Variants in TOX observed in about 807,000 individuals in gnomAD.
The protein encoded by TOX is thymocyte selection-associated high mobility group box protein TOX.
Under a neutral mutation model 53.7 loss-of-function variants are expected in TOX, and 11 were observed. The ratio of observed to expected loss-of-function variants is 0.20; its 90% CI spans 0.13 to 0.34. The LOEUF (loss-of-function observed/expected upper bound fraction) is 0.34, where lower values mean the gene tolerates loss of function less well. Among genes scored for constraint, TOX ranks in the 10% least tolerant of loss-of-function variants. The pLI is 1.00. For missense variants in TOX, 570 were observed against 664.6 expected (o/e 0.86, Z 1.56); for synonymous variants, 225 against 245.3 (o/e 0.92, Z 0.77).
intron 1 of TOX, among the ~76,000 whole-genome samples, chr8:58,965,755 G>A (rs983418700): frequency 6.6e-6 from 1 of 151,988 alleles, no homozygotes; most frequent in African/African-American, 2.4e-5. Flanking sequence ...GGCTAAAAAT[G>A]GAAATGTTTA....
chr8:59,055,073 T>C (rs1294586512), intron 1 of TOX, among the ~76,000 whole-genome samples: 1 of 152,150 alleles, frequency 6.6e-6, no homozygotes, highest in African/African-American at 2.4e-5. Flanking sequence ...GCTTACAGTT[T>C]TCCAAGGACT....
intron 3 of TOX, among the ~76,000 whole-genome samples, chr8:58,894,760 G>C (rs748886630): frequency 7.2e-5 from 11 of 152,142 alleles, no homozygotes; most frequent in Non-Finnish European, 1.3e-4. Context: ...GCCAGGCCTG[G>C]TGGCTGGCGC....
chr8:59,070,178 TCTCTCACATTTTTG>T (rs1804168266), intron 1 of TOX, among the ~76,000 whole-genome samples: 1 of 152,162 alleles, frequency 6.6e-6, no homozygotes, highest in African/African-American at 2.4e-5. Flanking sequence ...AGTGAATAAT[TCTCTCACATTTTTG>T]CTCTCTTCTG....
intron 1 of TOX, among the ~76,000 whole-genome samples, chr8:58,966,501 T>C (rs1812903021): frequency 6.6e-6 from 1 of 152,072 alleles, no homozygotes; most frequent in South Asian, 2.1e-4. Flanking sequence ...AGAGGAAGAA[T>C]GGCCTGGGTA....
chr8:58,898,643 G>A (rs1811687636), intron 3 of TOX, among the ~76,000 whole-genome samples: 1 of 152,106 alleles, frequency 6.6e-6, no homozygotes, highest in Admixed American at 6.6e-5. Flanking sequence ...GAGTATTTGT[G>A]CTCACACTTT....
chr8:58,815,792 T>C (rs1267391866), intron 6 of TOX, 68 bp from the exon 7 acceptor site: 2 of 1,507,700 alleles, frequency 1.3e-6, no homozygotes, highest in Non-Finnish European at 1.8e-6. Context: ...GTATGACGCT[T>C]TGTGAGTTTA....
intron 1 of TOX, among the ~76,000 whole-genome samples, chr8:59,002,166 G>T (rs1483084229): frequency 6.6e-6 from 1 of 150,406 alleles, no homozygotes; most frequent in Non-Finnish European, 1.5e-5. Context: ...TAGAGACGGG[G>T]TTTCACCATG....
chr8:59,091,090 C>T (rs1804599886), intron 1 of TOX, among the ~76,000 whole-genome samples: 1 of 152,140 alleles, frequency 6.6e-6, no homozygotes, highest in Admixed American at 6.5e-5. Context: ...CTGTCTCCCT[C>T]AACTATTGCT....
intron 1 of TOX, among the ~76,000 whole-genome samples, chr8:59,068,264 C>T (rs1488706336): frequency 6.6e-6 from 1 of 151,650 alleles, no homozygotes; most frequent in Non-Finnish European, 1.5e-5. Flanking sequence ...TAATATTTTC[C>T]CCAGTGTCTA....
chr8:59,067,571 A>C (rs374186425), intron 1 of TOX, among the ~76,000 whole-genome samples: 52 of 152,156 alleles, frequency 3.4e-4, no homozygotes, highest in Non-Finnish European at 6.8e-4. Flanking sequence ...TAAATAAATA[A>C]AATAAATAAA....
At chr8:58,840,036 C>G (rs192309073) in intron 4 of TOX, among the ~76,000 whole-genome samples, 1 of 152,144 alleles carries the variant, frequency 6.6e-6, no homozygotes, top group East Asian at 1.9e-4. Context: ...AAAGCGTATT[C>G]AAATATCAAT....
chr8:59,104,374 A>T (rs1804858824), intron 1 of TOX, among the ~76,000 whole-genome samples: 1 of 151,380 alleles, frequency 6.6e-6, no homozygotes, highest in South Asian at 2.1e-4. Context: ...CTCCCAGTAG[A>T]CTCCCCCTCG....
chr8:58,869,843 A>G (rs1811168259), intron 3 of TOX, among the ~76,000 whole-genome samples: 2 of 152,126 alleles, frequency 1.3e-5, no homozygotes, highest in African/African-American at 4.8e-5. Context: ...ATATCTATAG[A>G]TGCAGTAAAA....
At chr8:58,922,966 C>T (rs142616922) in intron 3 of TOX, among the ~76,000 whole-genome samples, 14 of 152,074 alleles carry the variant, frequency 9.2e-5, no homozygotes, top group East Asian at 1.9e-4. Flanking sequence ...GATGGCTAAG[C>T]GCAAAGGTCA....
intron 1 of TOX, among the ~76,000 whole-genome samples, chr8:59,003,547 CG>C (rs758844972): frequency 1.3e-5 from 2 of 151,856 alleles, no homozygotes; most frequent in African/African-American, 4.8e-5. Flanking sequence ...CAGTGAAAGA[CG>C]GGGGGAAAAG....
intron 3 of TOX, among the ~76,000 whole-genome samples, chr8:58,874,522 A>G (rs1291856028): frequency 6.6e-6 from 1 of 152,176 alleles, no homozygotes; most frequent in African/African-American, 2.4e-5. Context: ...AGAATCATGC[A>G]CTATTTATTC....
chr8:59,001,896 A>T (rs1337846254), intron 1 of TOX, among the ~76,000 whole-genome samples: 1 of 151,948 alleles, frequency 6.6e-6, no homozygotes, highest in Non-Finnish European at 1.5e-5. Flanking sequence ...GGGCTGTGAC[A>T]TCTTTCCCTT....
intron 3 of TOX, among the ~76,000 whole-genome samples, chr8:58,879,715 A>G (rs758377251): frequency 2.2e-4 from 34 of 152,190 alleles, no homozygotes; most frequent in Non-Finnish European, 3.5e-4. Flanking sequence ...CATTCCTTAA[A>G]AACAAATCTA....
intron 1 of TOX, among the ~76,000 whole-genome samples, chr8:58,976,436 A>G (rs1813101746): frequency 6.6e-6 from 1 of 152,172 alleles, no homozygotes. Context: ...TTTCTACCAC[A>G]TCTACAGTTG....
Sources: gnomAD v4.1 joint callset for allele counts (sites outside exome capture counted in the v4.1 genomes callset) on GRCh38, gnomAD v4.1.1 for gene constraint, MANE v1.5 for transcripts, NCBI Gene and HGNC (gene_info 2026-07-23, HGNC 2026-07-21) for gene names.